The following CFTR variants were observed in gnomAD, a reference collection of about 807,000 sequenced individuals.
CFTR encodes CF transmembrane conductance regulator.
A neutral mutation model predicts 171.6 loss-of-function variants in CFTR; 181 were observed. The ratio of observed to expected loss-of-function variants is 1.05; its 90% confidence interval spans 0.93 to 1.19. CFTR has a LOEUF of 1.19. Among genes scored for constraint, CFTR ranks in the 50% most tolerant of loss-of-function variants. CFTR has a pLI of 0.00. For synonymous variants in CFTR, 583 were observed against 608.0 expected (o/e 0.96, Z 0.60); for missense variants, 1,968 against 1,734.7 (o/e 1.13, Z -2.39).
intron 22 of CFTR, among the ~76,000 whole-genome samples, chr7:117,630,274 T>C (rs1000053950): frequency 9.9e-5 from 15 of 152,146 alleles, no homozygotes; most frequent in Non-Finnish European, 2.2e-4. Context: ...ATAAGAGATA[T>C]CCAGGTAAAT....
At chr7:117,521,846 G>C (rs1798690621) in intron 3 of CFTR, among the ~76,000 whole-genome samples, 1 of 151,990 alleles carries the variant, frequency 6.6e-6, no homozygotes, top group Admixed American at 6.6e-5. Context: ...TTTTTCACCT[G>C]AACTTTCCTT....
intron 3 of CFTR, among the ~76,000 whole-genome samples, chr7:117,512,440 A>G (rs1031347368): frequency 6.6e-6 from 1 of 152,000 alleles, no homozygotes; most frequent in Non-Finnish European, 1.5e-5. Flanking sequence ...AGCCTGGCCA[A>G]TATGGTGAAA....
At chr7:117,502,670 C>A (rs1217661399) in intron 1 of CFTR, among the ~76,000 whole-genome samples, 1 of 152,140 alleles carries the variant, frequency 6.6e-6, no homozygotes, top group African/African-American at 2.4e-5. Context: ...CTTGCATGAT[C>A]ATGGCATTCA....
chr7:117,664,747 TG>T lies in CFTR; in HGVS notation c.4028del (p.Gly1343AlafsTer4), dbSNP rs397508661. 6.2e-7 allele frequency: 1 copy of T among 1,614,018 alleles called. No homozygotes were observed. Among genetic ancestry groups the T allele is most frequent in the Non-Finnish European group, 8.5e-7 (1 of 1,179,912 alleles). ...GGAAGCTTGACTTTGTCCTTGTGGA[TG>T]GGGGCTGTGTCCTAAGCCATGGCCA... ...PGKLDFVLVD[G>X]GCVLSHGHKQ... On this transcript the variant is annotated frameshift_variant, in exon 25 of 27. Transcript: ENST00000003084. LOFTEE classifies it high-confidence loss of function.
Position 117,664,019 on chromosome 7 carries a change from A to G in CFTR, c.3964-669A>G, listed in dbSNP as rs559006474. Reference sequence around the variant, plus strand: ...TCTACCCCAATATCTAAGAGGCTTTATATCTCCTAGTGTTGTACCACTATT... The same window carrying G: ...TCTACCCCAATATCTAAGAGGCTTTGTATCTCCTAGTGTTGTACCACTATT... On this transcript the variant is annotated intron_variant, in intron 24 of 26. Coordinates refer to ENST00000003084, the MANE Select transcript of CFTR (RefSeq NM_000492.4). Among the ~76,000 whole-genome samples the G allele has an allele frequency of 3.3e-5, 5 of 152,260 alleles. No individual in the cohort carries two copies. In the South Asian group the frequency reaches 1.0e-3, roughly 32 times the overall value.
At chr7:117,514,510 A>T (rs951733402) in intron 3 of CFTR, among the ~76,000 whole-genome samples, 10 of 152,206 alleles carry the variant, frequency 6.6e-5, no homozygotes, top group Non-Finnish European at 1.2e-4. Context: ...ATGGCTGCAT[A>T]GTATTCCATG....
chr7:117,581,247 A>G (rs750193079), intron 11 of CFTR, among the ~76,000 whole-genome samples: 2 of 152,170 alleles, frequency 1.3e-5, no homozygotes, highest in Admixed American at 1.3e-4. Flanking sequence ...CTTCAACAAT[A>G]GTACATCTGG....
intron 18 of CFTR, 142 bp downstream of exon 18, chr7:117,606,895 C>T (rs113768271): frequency 7.8e-5 from 53 of 683,856 alleles, no homozygotes; most frequent in African/African-American, 6.3e-4. Context: ...TATCCAAAGC[C>T]TTCAAAATAG....
chr7:117,642,371 A>G, intron 22 of CFTR, 67 bp from the exon 23 acceptor site: 1 of 1,403,830 alleles, frequency 7.1e-7, no homozygotes, highest in Middle Eastern at 1.8e-4. Flanking sequence ...GAAGTACAAT[A>G]CTGAATTATG....
chr7:117,560,898 T>G (rs566489346), intron 11 of CFTR: 197 of 152,194 alleles, frequency 1.3e-3, no homozygotes, highest in African/African-American at 4.6e-3. Flanking sequence ...GGTAGTGCCT[T>G]ACAAGATAAA....
chr7:117,483,773 T>C (rs1798032503), intron 1 of CFTR, among the ~76,000 whole-genome samples: 1 of 151,868 alleles, frequency 6.6e-6, no homozygotes, highest in African/African-American at 2.4e-5. Flanking sequence ...AGTATCTCAC[T>C]ATGTTGCCCA....
chr7:117,498,690 C>T (rs1013038354), intron 1 of CFTR, among the ~76,000 whole-genome samples: 1 of 152,150 alleles, frequency 6.6e-6, no homozygotes, highest in Non-Finnish European at 1.5e-5. Context: ...AATCAATCCT[C>T]CCTATCATAG....
chr7:117,605,758 A>G (rs543390846), intron 17 of CFTR, among the ~76,000 whole-genome samples: 14 of 152,168 alleles, frequency 9.2e-5, no homozygotes, highest in African/African-American at 3.4e-4. Flanking sequence ...TAAAGAATAG[A>G]CCAGTTTGGC....
At chr7:117,537,302 T>G (rs1044745298) in intron 7 of CFTR, among the ~76,000 whole-genome samples, 3 of 152,194 alleles carry the variant, frequency 2.0e-5, no homozygotes, top group Non-Finnish European at 4.4e-5. Context: ...TAGTAAAGAT[T>G]ATATCCAACA....
intron 22 of CFTR, among the ~76,000 whole-genome samples, chr7:117,639,330 T>C (rs2116157927): frequency 6.6e-6 from 1 of 152,340 alleles, no homozygotes; most frequent in Admixed American, 6.5e-5. Context: ...AAATAGTTTT[T>C]TCTTAAAACC....
At chr7:117,611,474 T>G in intron 19 of CFTR, 107 bp from the exon 20 acceptor site, 1 of 758,020 alleles carries the variant, frequency 1.3e-6, no homozygotes, top group Non-Finnish European at 2.3e-6. Flanking sequence ...ACCAATGACA[T>G]TTGTGATATG....
intron 3 of CFTR, among the ~76,000 whole-genome samples, chr7:117,530,527 C>T (rs867597747): frequency 6.6e-6 from 1 of 152,030 alleles, no homozygotes; most frequent in East Asian, 1.9e-4. Flanking sequence ...AAAAAGCCTA[C>T]TCTGATACTG....
chr7:117,550,500 C>T (rs1025485320), intron 10 of CFTR, among the ~76,000 whole-genome samples: 2 of 151,846 alleles, frequency 1.3e-5, no homozygotes, highest in African/African-American at 4.8e-5. Context: ...TCTTTTATAT[C>T]TTGTATATTA....
At chr7:117,535,839 A>T (rs558855309) in intron 6 of CFTR, among the ~76,000 whole-genome samples, 1 of 152,248 alleles carries the variant, frequency 6.6e-6, no homozygotes, top group South Asian at 2.1e-4. Context: ...CGGCCTAAAA[A>T]ATACTTTTTA....
Sources: allele counts gnomAD v4.1 joint callset (sites outside exome capture counted in the v4.1 genomes callset), GRCh38; gene constraint gnomAD v4.1.1; transcripts MANE v1.5; gene names NCBI Gene and HGNC (gene_info 2026-07-23, HGNC 2026-07-21).